The following POLA1 variants were observed in gnomAD, a reference collection of about 807,000 sequenced individuals.
POLA1 encodes the protein DNA polymerase alpha 1, catalytic subunit.
POLA1 carries 15 observed loss-of-function variants against 124.0 expected under a neutral mutation model. That is an observed-to-expected ratio of 0.12 (90% CI 0.08 to 0.19). The LOEUF is 0.19. Ranked by LOEUF, POLA1 falls within the 10% of genes least tolerant of loss-of-function variation. The pLI is 1.00. For missense variants in POLA1, 886 were observed against 1,103.4 expected (o/e 0.80, Z 2.79); for synonymous variants, 408 against 389.4 (o/e 1.05, Z -0.56).
intron 34 of POLA1, among the ~76,000 whole-genome samples, chrX:24,883,257 G>A (rs1385944655): frequency 1.8e-5 from 2 of 112,165 alleles, no homozygotes; most frequent in African/African-American, 6.5e-5. Context: ...ACCTTTGTCA[G>A]ATGCATAGTT....
At chrX:24,933,891 T>C (rs193057553) in intron 36 of POLA1, among the ~76,000 whole-genome samples, 2 of 112,724 alleles carry the variant, frequency 1.8e-5, no homozygotes, top group East Asian at 5.5e-4. Context: ...GGTAAAGGAC[T>C]GTTATTCACG....
At chrX:24,751,258 G>T (rs1932306993) in intron 26 of POLA1, among the ~76,000 whole-genome samples, 2 of 111,655 alleles carry the variant, frequency 1.8e-5, no homozygotes, top group African/African-American at 6.5e-5. Flanking sequence ...ATAATGATAA[G>T]CCCCAAATTT....
chrX:24,884,941 G>A (rs1293580305), intron 34 of POLA1, among the ~76,000 whole-genome samples: 1 of 111,947 alleles, frequency 8.9e-6, no homozygotes, highest in Non-Finnish European at 1.9e-5. Flanking sequence ...CATTTAGTTA[G>A]TACCTCTGTC....
intron 19 of POLA1, among the ~76,000 whole-genome samples, chrX:24,739,028 C>T (rs5986705): frequency 9.0e-6 from 1 of 111,228 alleles, no homozygotes; most frequent in African/African-American, 3.3e-5. Flanking sequence ...CCCCATTACC[C>T]TATTTAAGAT....
intron 1 of POLA1, among the ~76,000 whole-genome samples, chrX:24,697,532 TA>T: frequency 8.9e-6 from 1 of 112,056 alleles, no homozygotes; most frequent in African/African-American, 3.2e-5. Context: ...AGTCAAACAA[TA>T]GAGTGTGATA....
At chrX:24,793,994 G>GTC (rs752006928) in intron 26 of POLA1, among the ~76,000 whole-genome samples, 18 of 107,999 alleles carry the variant, frequency 1.7e-4, no homozygotes, top group African/African-American at 3.4e-4. Context: ...TTGAGACTGA[G>GTC]TCTCTCTCTC....
chrX:24,905,448 A>G (rs1242939532), intron 35 of POLA1, among the ~76,000 whole-genome samples: 1 of 106,458 alleles, frequency 9.4e-6, no homozygotes, highest in African/African-American at 3.4e-5. Flanking sequence ...AGGAGACGGA[A>G]CACGAACAAA....
chrX:24,796,814 A>G (rs1445382491), intron 26 of POLA1, among the ~76,000 whole-genome samples: 1 of 111,342 alleles, frequency 9.0e-6, no homozygotes, highest in African/African-American at 3.3e-5. Flanking sequence ...TTCCACAGGC[A>G]TATCCTATTC....
At chrX:24,892,780 T>TC (rs2047158498) in intron 35 of POLA1, among the ~76,000 whole-genome samples, 1 of 112,201 alleles carries the variant, frequency 8.9e-6, no homozygotes, top group Non-Finnish European at 1.9e-5. Context: ...AACTGTATAG[T>TC]CCCTGGGGCA....
intron 26 of POLA1, among the ~76,000 whole-genome samples, chrX:24,790,120 G>T (rs2045462924): frequency 8.9e-6 from 1 of 111,986 alleles, no homozygotes; most frequent in Non-Finnish European, 1.9e-5. Context: ...ACACCAAAAA[G>T]AATAGCTTTA....
intron 35 of POLA1, among the ~76,000 whole-genome samples, chrX:24,915,837 G>A (rs186034332): frequency 2.7e-3 from 299 of 111,991 alleles, no homozygotes; most frequent in African/African-American, 9.3e-3. Flanking sequence ...AGTGGCTAAG[G>A]CAGAAAAGGG....
At chrX:24,976,493 A>G (rs142825880) in intron 36 of POLA1, among the ~76,000 whole-genome samples, 13 of 112,201 alleles carry the variant, frequency 1.2e-4, no homozygotes, top group African/African-American at 3.9e-4. Flanking sequence ...ATAATTCACA[A>G]TAAATTCCAG....
At chrX:24,816,323 G>A (rs914991010) in intron 30 of POLA1, among the ~76,000 whole-genome samples, 1 of 112,388 alleles carries the variant, frequency 8.9e-6, no homozygotes, top group South Asian at 3.7e-4. Context: ...ATATGAAACT[G>A]TATTTCACAG....
At position 24,704,328 on chromosome X, in the gene POLA1, G is replaced by A. The variant is rs1928655564; in HGVS notation, c.266-61G>A. On this transcript the variant is annotated intron_variant, in intron 3 of 36. Transcript: ENST00000379068. Reference sequence around the variant, plus strand: ...GGTATAAAAGGTTTTTTTGGTCATGGCTAAAATATTATTGGCCACTTTTAG... The same window carrying A: ...GGTATAAAAGGTTTTTTTGGTCATGACTAAAATATTATTGGCCACTTTTAG... The A allele has an allele frequency of 4.6e-6, 4 of 871,736 alleles. No individual in the cohort carries two copies. In the East Asian group the frequency reaches 1.2e-4, roughly 27 times the overall value. The allele number at this position is 871,736 out of a possible 1,213,427, so 71.8% of individuals were successfully genotyped here.
At chrX:24,726,551 C>T (rs1930550095) in intron 13 of POLA1, among the ~76,000 whole-genome samples, 1 of 112,594 alleles carries the variant, frequency 8.9e-6, no homozygotes, top group Non-Finnish European at 1.9e-5. Context: ...AGAACTATTT[C>T]TGACAGTGGT....
At chrX:24,873,668 T>C (rs2046897053) in intron 34 of POLA1, among the ~76,000 whole-genome samples, 1 of 112,057 alleles carries the variant, frequency 8.9e-6, no homozygotes, top group East Asian at 2.8e-4. Context: ...ATTCATAATA[T>C]GATAATACAT....
At chrX:24,954,846 A>G (rs1170255063) in intron 36 of POLA1, among the ~76,000 whole-genome samples, 1 of 111,891 alleles carries the variant, frequency 8.9e-6, no homozygotes, top group Non-Finnish European at 1.9e-5. Flanking sequence ...ATTCTTTTTA[A>G]GAGGGCAGGC....
chrX:24,839,229 A>G lies in POLA1; in HGVS notation c.3737-2423A>G, dbSNP rs141684526. ...TCATTACAGTCTCTTCTCCCTTTAT[A>G]TTTTTACATTTTAGCATTGAACTAT... On this transcript the variant is annotated intron_variant, in intron 32 of 36. Coordinates refer to ENST00000379068, the MANE Select transcript of POLA1 (RefSeq NM_001330360.2). 1.8e-4 allele frequency among the ~76,000 whole-genome samples: 20 copies of G among 111,029 alleles called. No homozygotes were observed. In the East Asian group the frequency reaches 5.3e-3, roughly 30 times the overall value.
intron 32 of POLA1, among the ~76,000 whole-genome samples, chrX:24,837,177 A>G (rs935315557): frequency 2.7e-5 from 3 of 112,051 alleles, no homozygotes; most frequent in African/African-American, 6.5e-5. Context: ...CTTGAGTATT[A>G]TACAATCAGT....
Sources: allele counts gnomAD v4.1 joint callset (sites outside exome capture counted in the v4.1 genomes callset), GRCh38; gene constraint gnomAD v4.1.1; transcripts MANE v1.5; gene names NCBI Gene and HGNC (gene_info 2026-07-23, HGNC 2026-07-21).